The following BUD31 variants were observed in gnomAD, a reference collection of about 807,000 sequenced individuals.
The protein encoded by BUD31 is protein BUD31 homolog.
BUD31 carries 9 observed loss-of-function variants against 17.9 expected under a neutral mutation model. The ratio of observed to expected loss-of-function variants is 0.50; its 90% confidence interval spans 0.30 to 0.88. The LOEUF is 0.88. Among genes scored for constraint, BUD31 ranks in the 40% least tolerant of loss-of-function variants. The probability of loss-of-function intolerance (pLI) is 0.06; values close to 1 mark genes in which losing one functional copy is unlikely to be tolerated. For synonymous variants in BUD31, 70 were observed against 64.7 expected (o/e 1.08, Z -0.39); for missense variants, 148 against 184.5 (o/e 0.80, Z 1.15).
intron 3 of BUD31, among the ~76,000 whole-genome samples, chr7:99,413,072 A>T (rs1452273470): frequency 6.6e-6 from 1 of 152,116 alleles, no homozygotes; most frequent in East Asian, 1.9e-4. Context: ...ATCATGGCAG[A>T]GGCCAAGGAG....
intron 3 of BUD31, chr7:99,415,407 C>T (rs1188990656): frequency 1.8e-5 from 7 of 399,496 alleles, no homozygotes; most frequent in Non-Finnish European, 3.0e-5. Context: ...CTATTGTTAT[C>T]TAAAAGGCAG....
intron 3 of BUD31, 57 bp from the exon 4 acceptor site, chr7:99,416,081 G>A (rs540348716): frequency 1.9e-4 from 301 of 1,589,192 alleles, no homozygotes; most frequent in Non-Finnish European, 2.5e-4. Context: ...CTTACAAAAA[G>A]AAAATCCTGC....
In BUD31 at chr7:99,411,197, G is replaced by T; in HGVS notation, c.94+11G>T. ...AAAAGATGAGAGAAGGTGAGTAGGGGAGTTCCTGTCTGGGTGGGCTGGGTC... is the reference window on the plus strand; with the variant it reads ...AAAAGATGAGAGAAGGTGAGTAGGGTAGTTCCTGTCTGGGTGGGCTGGGTC... On this transcript the variant is annotated intron_variant, in intron 3 of 5. Coordinates refer to ENST00000222969, the MANE Select transcript of BUD31 (RefSeq NM_003910.4). 6.2e-7 allele frequency: 1 copy of T among 1,611,338 alleles called. No homozygotes were observed. The highest frequency in any genetic ancestry group is 1.1e-5 in the South Asian group (1 of 90,884).
chr7:99,411,346 G>T (rs3764815), intron 3 of BUD31, 160 bp downstream of exon 3: 36,873 of 568,894 alleles, frequency 0.065, 3,274 homozygotes, highest in East Asian at 0.31. Flanking sequence ...GTAAGTGCCC[G>T]AAAATAAGAT....
In BUD31 at chr7:99,411,161, T is replaced by A; in HGVS notation, c.69T>A (p.Asp23Glu). 1 of 1,613,968 alleles carries A rather than the reference T, an allele frequency of 6.2e-7. No homozygotes were observed. Reference sequence around the variant, plus strand: ...GGGAGTTGATTGAGCCAACACTGGATGAATTAGATCAAAAGATGAGAGAAG... The same window carrying A: ...GGGAGTTGATTGAGCCAACACTGGAAGAATTAGATCAAAAGATGAGAGAAG... Reference protein sequence around the residue: ...DGWELIEPTLDELDQKMREAE... With the variant: ...DGWELIEPTLEELDQKMREAE... The change falls in exon 3 of 6, where the codon GAT becomes GAA. Residue 23 changes from aspartate to glutamate, a missense_variant. Physicochemically the swap from Asp to Glu is conservative, Grantham distance 45. Transcript: ENST00000222969.
intron 1 of BUD31, 164 bp downstream of exon 1, chr7:99,409,409 C>T (rs999078223): frequency 3.9e-5 from 6 of 152,380 alleles, no homozygotes; most frequent in Admixed American, 1.3e-4. Context: ...TCTTTCTTCT[C>T]GATCTGATTA....
At chr7:99,413,110 C>T (rs1462396216) in intron 3 of BUD31, among the ~76,000 whole-genome samples, 1 of 152,008 alleles carries the variant, frequency 6.6e-6, no homozygotes, top group Non-Finnish European at 1.5e-5. Context: ...ACATGTGTAC[C>T]TGCTGAATCT....
chr7:99,412,247 T>C (rs886417232), intron 3 of BUD31, among the ~76,000 whole-genome samples: 2 of 152,232 alleles, frequency 1.3e-5, no homozygotes, highest in African/African-American at 4.8e-5. Context: ...AGAGATGTCT[T>C]CCCGAAACAG....
intron 3 of BUD31, among the ~76,000 whole-genome samples, chr7:99,413,621 G>T (rs979631412): frequency 6.6e-6 from 1 of 152,062 alleles, no homozygotes; most frequent in Non-Finnish European, 1.5e-5. Flanking sequence ...TTGAGACAGG[G>T]TCATCTGTCA....
intron 5 of BUD31, chr7:99,417,797 G>A (rs1328284938): frequency 6.6e-7 from 1 of 1,518,314 alleles, no homozygotes; most frequent in Non-Finnish European, 8.8e-7. Flanking sequence ...TTAGGTCTGG[G>A]GTCAATCTCA....
chr7:99,409,070 A>G lies in BUD31; in HGVS notation c.-341A>G, dbSNP rs920110037. The G allele has an allele frequency of 6.6e-6, 1 of 152,260 alleles. No individual in the cohort carries two copies. The highest frequency in any genetic ancestry group is 1.5e-5 in the Non-Finnish European group (1 of 68,126). 9.4% of individuals were successfully genotyped at this position (152,260 alleles called of 1,614,324 possible). A position where few individuals can be genotyped will look rare whatever the true frequency, so the allele number is the denominator to read the frequency against. Reference sequence around the variant, plus strand: ...CTGAGGCGGGAGACCGGTGGTCTGCACCGTCCTGGAGGGAGATATGAGTGG... The same window carrying G: ...CTGAGGCGGGAGACCGGTGGTCTGCGCCGTCCTGGAGGGAGATATGAGTGG... On this transcript the variant is annotated 5_prime_UTR_variant, in exon 1 of 6. Coordinates refer to ENST00000222969, the MANE Select transcript of BUD31 (RefSeq NM_003910.4).
intron 5 of BUD31, 177 bp downstream of exon 5, chr7:99,417,772 G>C (rs1795587020): frequency 6.5e-7 from 1 of 1,531,496 alleles, no homozygotes; most frequent in African/African-American, 1.4e-5. Context: ...GAGGCAGCGT[G>C]TGGCTGTGTG....
chr7:99,412,778 A>ATTTTTTTT (rs36101411), intron 3 of BUD31, among the ~76,000 whole-genome samples: 1 of 138,410 alleles, frequency 7.2e-6, no homozygotes. Flanking sequence ...TGCCCAGCTA[A>ATTTTTTTT]TTTTTTTTTT....
At chr7:99,411,886 T>C (rs1002835162) in intron 3 of BUD31, 3 of 345,354 alleles carry the variant, frequency 8.7e-6, no homozygotes, top group African/African-American at 2.2e-5. Flanking sequence ...TTTGTATTTT[T>C]AGTAGAGATG....
intron 3 of BUD31, 190 bp downstream of exon 3, chr7:99,411,376 T>A: frequency 1.9e-6 from 1 of 535,426 alleles, no homozygotes; most frequent in Non-Finnish European, 3.3e-6. Context: ...GAAAAGGTCC[T>A]CAGAAAAGGT....
At chr7:99,415,320 C>A in intron 3 of BUD31, 1 of 451,884 alleles carries the variant, frequency 2.2e-6, no homozygotes. Context: ...GCCTGCCTGG[C>A]ACCAAGGCAG....
At chr7:99,409,775 G>C (rs1478671736) in intron 1 of BUD31, among the ~76,000 whole-genome samples, 1 of 127,942 alleles carries the variant, frequency 7.8e-6, no homozygotes, top group Non-Finnish European at 1.6e-5. Flanking sequence ...TGGGCGGGGG[G>C]GGGGTGGGTC....
At position 99,411,117 on chromosome 7, in the gene BUD31, A is replaced by G; in HGVS notation, c.25A>G (p.Lys9Glu). The change falls in exon 3 of 6, where the codon AAA becomes GAA. Residue 9 changes from lysine to glutamate, a missense_variant. Physicochemically the swap from Lys to Glu is moderately conservative, Grantham distance 56. Coordinates refer to ENST00000222969, the MANE Select transcript of BUD31 (RefSeq NM_003910.4). ...AATGCCTAAAGTCAAAAGAAGCCGG[A>G]AAGCACCCCCAGATGGCTGGGAGTT... is the stretch of plus-strand genomic sequence containing the variant. MPKVKRSR[K>E]APPDGWELIE... The G allele has an allele frequency of 3.1e-6, 5 of 1,614,186 alleles. No homozygotes were observed. Among genetic ancestry groups the G allele is most frequent in the Non-Finnish European group, 4.2e-6 (5 of 1,180,022 alleles).
chr7:99,411,357 A>C, intron 3 of BUD31, 171 bp downstream of exon 3: 1 of 564,196 alleles, frequency 1.8e-6, no homozygotes, highest in Non-Finnish European at 3.1e-6. Flanking sequence ...AAAATAAGAT[A>C]ACATTAATGA....
Sources: gnomAD v4.1 joint callset for allele counts (sites outside exome capture counted in the v4.1 genomes callset) on GRCh38, gnomAD v4.1.1 for gene constraint, MANE v1.5 for transcripts, NCBI Gene and HGNC (gene_info 2026-07-23, HGNC 2026-07-21) for gene names.